The following FRAS1 variants were observed in gnomAD, a reference collection of about 807,000 sequenced individuals.
FRAS1 encodes the protein extracellular matrix organizing protein FRAS1.
FRAS1 carries 290 observed loss-of-function variants against 435.2 expected under a neutral mutation model. That is an observed-to-expected ratio of 0.67 (90% CI 0.61 to 0.73). The LOEUF is 0.73. FRAS1 is among the 30% of genes least tolerant of loss of function. The probability of loss-of-function intolerance (pLI) is 0.00; values close to 1 mark genes in which losing one functional copy is unlikely to be tolerated. For missense variants in FRAS1, 4,860 were observed against 5,001.5 expected (o/e 0.97, Z 0.85); for synonymous variants, 1,800 against 1,851.0 (o/e 0.97, Z 0.71).
chr4:78,477,959 A>G lies in FRAS1; in HGVS notation c.7996A>G (p.Ile2666Val), dbSNP rs377137094. The stretch of plus-strand genomic sequence containing the variant: ...AGGGGAATTCACCCAGGCGAAGGTC[A>G]TTATCAACGATACCGAGGATGAACC... ...LLGEFTQAKV[I>V]INDTEDEPTL... The change falls in exon 55 of 74, where the codon ATT becomes GTT. Residue 2666 changes from isoleucine (I) to valine (V), a missense_variant. Physicochemically the swap from Ile to Val is conservative, Grantham distance 29. Transcript: ENST00000512123. 9.9e-5 allele frequency: 159 copies of G among 1,613,414 alleles called. No homozygotes were observed. The highest frequency in any genetic ancestry group is 1.3e-4 in the Non-Finnish European group (156 of 1,179,708).
intron 2 of FRAS1, among the ~76,000 whole-genome samples, chr4:78,209,547 T>C (rs1370327885): frequency 6.6e-6 from 1 of 152,156 alleles, no homozygotes; most frequent in Admixed American, 6.5e-5. Context: ...AATGGCTATC[T>C]CTGTTTGCCT....
At chr4:78,519,838 C>A (rs746722099) in intron 67 of FRAS1, among the ~76,000 whole-genome samples, 16 of 152,122 alleles carry the variant, frequency 1.1e-4, no homozygotes, top group Non-Finnish European at 2.1e-4. Flanking sequence ...TTTTACAGAG[C>A]AAAAGGATCT....
In FRAS1 at chr4:78,315,711, C is replaced by G. The variant is rs368186922; in HGVS notation, c.1796C>G (p.Ala599Gly). ...CMSECPGGYY[A>G]DATGRCKVCH... ...TCTGAATGCCCTGGCGGGTACTATG[C>G]TGATGCCACTGGCAGGTGCAAAGGT... The change falls in exon 16 of 74, where the codon GCT becomes GGT. Residue 599 changes from alanine (A) to glycine (G), a missense_variant. Physicochemically the swap from Ala to Gly is moderately conservative, Grantham distance 60. Transcript: ENST00000512123. 1 of 1,613,972 alleles carries G rather than the reference C, an allele frequency of 6.2e-7. No individual in the cohort carries two copies. The highest frequency in any genetic ancestry group is 1.7e-5 in the Admixed American group (1 of 60,020).
Position 78,379,804 on chromosome 4 carries a change from C to T in FRAS1, c.3371C>T (p.Ser1124Phe). Residue 1124 changes from serine (S) to phenylalanine (F), a missense_variant, in exon 27 of 74, where the codon TCC becomes TTC. By Grantham distance (155) the Ser-to-Phe change is radical. Coordinates refer to ENST00000512123, the MANE Select transcript of FRAS1 (RefSeq NM_025074.7). ...PIGSIKPLDF[S>F]LLNVQDQEGR... ...GGTTCAATAAAGCCACTGGATTTTT[C>T]CCTCCTGAATGTCCAAGACCAGGAG... The T allele has an allele frequency of 6.2e-7, 1 of 1,613,652 alleles. No homozygotes were observed. Among genetic ancestry groups the T allele is most frequent in the South Asian group, 1.1e-5 (1 of 91,012 alleles).
rs193086685 is a variant in FRAS1 at position 78,149,662 on chromosome 4, G to C, written c.108+83646G>C. ...ATACAATTAACTCATTCCTTTAAAC[G>C]GCTAAGTGGGATTCCATCTTAGGAA... On this transcript the variant is annotated intron_variant, in intron 2 of 73. Transcript: ENST00000512123. Among the ~76,000 whole-genome samples, 18 of 152,132 alleles carry C rather than the reference G, an allele frequency of 1.2e-4. No individual in the cohort carries two copies. The East Asian group carries it at 3.5e-3, about 29-fold the overall frequency.
intron 34 of FRAS1, among the ~76,000 whole-genome samples, chr4:78,422,413 C>T (rs543156604): frequency 8.5e-5 from 13 of 152,088 alleles, no homozygotes; most frequent in African/African-American, 2.4e-4. Context: ...GAAAGATTAG[C>T]GGTGGAATTA....
At chr4:78,441,428 A>G in intron 41 of FRAS1, 131 bp downstream of exon 41, 2 of 875,522 alleles carry the variant, frequency 2.3e-6, no homozygotes, top group Non-Finnish European at 3.5e-6. Context: ...AATGGAAGGA[A>G]GGTAGGAAGG....
intron 65 of FRAS1, among the ~76,000 whole-genome samples, chr4:78,514,533 T>C (rs1464290344): frequency 2.0e-5 from 3 of 152,232 alleles, no homozygotes; most frequent in Non-Finnish European, 4.4e-5. Context: ...GTGAAAATTA[T>C]TTATAAATCA....
At chr4:78,392,143 T>C (rs1485900690) in intron 29 of FRAS1, among the ~76,000 whole-genome samples, 1 of 152,150 alleles carries the variant, frequency 6.6e-6, no homozygotes, top group African/African-American at 2.4e-5. Context: ...CATATACACA[T>C]TGACAAACAC....
At chr4:78,068,588 G>A (rs1740174117) in intron 2 of FRAS1, 2 of 456,090 alleles carry the variant, frequency 4.4e-6, no homozygotes, top group Non-Finnish European at 8.8e-6. Context: ...CCAGAGAGGA[G>A]GAATGGCAAC....
chr4:78,079,022 G>C (rs1375258297), intron 2 of FRAS1, among the ~76,000 whole-genome samples: 1 of 152,142 alleles, frequency 6.6e-6, no homozygotes, highest in African/African-American at 2.4e-5. Flanking sequence ...GTCTCTATTA[G>C]AGGAGTGGTT....
intron 2 of FRAS1, among the ~76,000 whole-genome samples, chr4:78,183,313 G>A (rs1488337788): frequency 3.3e-5 from 5 of 152,120 alleles, no homozygotes; most frequent in Non-Finnish European, 4.4e-5. Flanking sequence ...TAATTCCCAG[G>A]AAAGCAAAGT....
chr4:78,249,323 CTTTTTTTTTTT>C (rs11308579), intron 4 of FRAS1, among the ~76,000 whole-genome samples: 7 of 47,206 alleles, frequency 1.5e-4, no homozygotes, highest in African/African-American at 5.2e-4. Context: ...GCAGTGGAGC[CTTTTTTTTTTT>C]TTTTTTTTTT....
intron 2 of FRAS1, among the ~76,000 whole-genome samples, chr4:78,089,158 T>C (rs1741367773): frequency 6.6e-6 from 1 of 151,738 alleles, no homozygotes; most frequent in Admixed American, 6.6e-5. Context: ...AAACCATCAT[T>C]CTCAGCAAAC....
chr4:78,524,658 T>C (rs1721479131), intron 69 of FRAS1, among the ~76,000 whole-genome samples: 1 of 152,208 alleles, frequency 6.6e-6, no homozygotes, highest in Non-Finnish European at 1.5e-5. Flanking sequence ...TGCATTCATT[T>C]GTTCAACAAG....
At chr4:78,508,505 AG>A (rs1400396411) in intron 62 of FRAS1, among the ~76,000 whole-genome samples, 2 of 152,224 alleles carry the variant, frequency 1.3e-5, no homozygotes, top group African/African-American at 4.8e-5. Context: ...TAAAACTAAA[AG>A]GATAATAAAG....
chr4:78,542,556 T>C lies in FRAS1; in HGVS notation c.*1432T>C, dbSNP rs1476796016. On this transcript the variant is annotated 3_prime_UTR_variant, in exon 74 of 74. Coordinates refer to ENST00000512123, the MANE Select transcript of FRAS1 (RefSeq NM_025074.7). Reference sequence around the variant, plus strand: ...GAGCCTTCACATTGTGTAATATTTGTATGAGAATGACTCAAGCTCTTTGAG... The same window carrying C: ...GAGCCTTCACATTGTGTAATATTTGCATGAGAATGACTCAAGCTCTTTGAG... 6.6e-6 allele frequency: 1 copy of C among 152,646 alleles called. No homozygotes were observed. The highest frequency in any genetic ancestry group is 1.5e-5 in the Non-Finnish European group (1 of 68,030). 9.5% of individuals were successfully genotyped at this position (152,646 alleles called of 1,614,324 possible).
At chr4:78,134,397 T>A (rs1370462139) in intron 2 of FRAS1, among the ~76,000 whole-genome samples, 1 of 152,188 alleles carries the variant, frequency 6.6e-6, no homozygotes, top group African/African-American at 2.4e-5. Context: ...CTTCCTCTCA[T>A]GTCAATGAGA....
intron 2 of FRAS1, among the ~76,000 whole-genome samples, chr4:78,214,344 T>G (rs1324044371): frequency 6.6e-6 from 1 of 152,230 alleles, no homozygotes; most frequent in Non-Finnish European, 1.5e-5. Flanking sequence ...TCATAAATTG[T>G]TTTGCCACAT....
Sources: gnomAD v4.1 joint callset for allele counts (sites outside exome capture counted in the v4.1 genomes callset) on GRCh38, gnomAD v4.1.1 for gene constraint, MANE v1.5 for transcripts, NCBI Gene and HGNC (gene_info 2026-07-23, HGNC 2026-07-21) for gene names.